REC8: variants seen among roughly 807,000 people sequenced by gnomAD.
The protein encoded by REC8 is meiotic recombination protein REC8 homolog.
In REC8, 42 loss-of-function variants were observed where a neutral mutation model predicts 78.3. The ratio of observed to expected loss-of-function variants is 0.54; its 90% CI spans 0.42 to 0.69. The LOEUF is 0.69. REC8 is among the 30% of genes least tolerant of loss of function. The pLI is 0.00. For missense variants in REC8, 581 were observed against 715.8 expected, an observed-to-expected ratio of 0.81 and a Z score of 2.15; for synonymous variants, 268 against 274.1, an observed-to-expected ratio of 0.98 and a Z score of 0.22.
downstream of REC8, chr14:24,180,539 A>G (rs1438987136): frequency 6.2e-7 from 1 of 1,614,122 alleles, no homozygotes; most frequent in Admixed American, 1.7e-5. Flanking sequence ...TTTGGCCAGG[A>G]ACGTCAGGAG....
chr14:24,178,697 G>T, intron 13 of REC8, 25 bp downstream of exon 13: 1 of 1,613,866 alleles, frequency 6.2e-7, no homozygotes, highest in Non-Finnish European at 8.5e-7. Flanking sequence ...GGTTGGGCAC[G>T]AAGTATCCTC....
rs748638468 is a variant in REC8 at position 24,179,419 on chromosome 14, AGAG to A, written c.1279_1281del (p.Glu427del). ...CAGAGATCTCCCTAGAGGCAGCTGA[AGAG>A]GAGAAGTCCCGCATCAGCCTCATCC... On this transcript the variant is annotated inframe_deletion, in exon 16 of 19. Coordinates refer to ENST00000611366, the MANE Select transcript of REC8 (RefSeq NM_001048205.2). 1.4e-4 allele frequency: 220 copies of A among 1,613,992 alleles called. No homozygotes were observed. The highest frequency in any genetic ancestry group is 9.0e-4 in the Admixed American group (54 of 59,996).
rs1431693237 is a variant in REC8 at position 24,172,338 on chromosome 14, G to A, written c.-215G>A. 6 of 566,488 alleles carry A rather than the reference G, an allele frequency of 1.1e-5. No individual in the cohort carries two copies. The East Asian group carries it at 1.5e-4, about 14-fold the overall frequency. 35.1% of individuals were successfully genotyped at this position (566,488 alleles called of 1,614,324 possible). ...CCACTGAGGGTCCACAGAGAGGGGCGCCCATCTCCTGCGTCTCAGTTATCC... is the reference window on the plus strand; with the variant it reads ...CCACTGAGGGTCCACAGAGAGGGGCACCCATCTCCTGCGTCTCAGTTATCC... On this transcript the variant is annotated 5_prime_UTR_variant, in exon 1 of 19. Transcript: ENST00000611366.
chr14:24,179,030 C>CT, intron 14 of REC8, 55 bp from the exon 15 acceptor site: 1 of 1,597,968 alleles, frequency 6.3e-7, no homozygotes, highest in Non-Finnish European at 8.6e-7. Context: ...CTTGTGCCTT[C>CT]TGAGGCCCAA....
rs752794973 is a variant in REC8, at chr14:24,178,871, C to T, written c.1158C>T (p.Ala386=). 49 of 1,613,536 alleles carry T rather than the reference C, an allele frequency of 3.0e-5. No individual in the cohort carries two copies. In the East Asian group the frequency reaches 5.3e-4, roughly 18 times the overall value. The change falls in exon 14 of 19, where the codon GCC becomes GCT. Residue 386 remains alanine, a synonymous_variant. Coordinates refer to ENST00000611366, the MANE Select transcript of REC8 (RefSeq NM_001048205.2). ...GGCGAGAGCTGCCTGAGGAGGCAGC[C>T]GCTGAGGAGGAAAGGAGAAAGATTG... ...ALRRELPEEA[A]AEEERRKIEV...
At chr14:24,179,949 C>CA in intron 18 of REC8, 43 bp downstream of exon 18, 1 of 1,614,086 alleles carries the variant, frequency 6.2e-7, no homozygotes, top group South Asian at 1.1e-5. Flanking sequence ...GGCAGGGACA[C>CA]AGAGACCAGA....
rs749536838 is a variant in REC8 at position 24,179,480 on chromosome 14, C to T, written c.1319+17C>T. The stretch of plus-strand genomic sequence containing the variant: ...AGAACGGTGGTAAGCGGCCAGGCTC[C>T]GTGGGAGCCAGGGCCCACAGCCCTT... On this transcript the variant is annotated intron_variant, in intron 16 of 18. Coordinates refer to ENST00000611366, the MANE Select transcript of REC8 (RefSeq NM_001048205.2). 27 of 1,613,964 alleles carry T rather than the reference C, an allele frequency of 1.7e-5. No individual in the cohort carries two copies. In the Admixed American group the frequency reaches 2.0e-4, roughly 12 times the overall value.
At chr14:24,175,664 C>T (rs1444525136) in intron 6 of REC8, 40 bp downstream of exon 6, 4 of 1,501,530 alleles carry the variant, frequency 2.7e-6, no homozygotes, top group Admixed American at 1.7e-5. Flanking sequence ...GAGGCATAGG[C>T]AGGCCCAAGA....
rs553455938 is a variant in REC8, at chr14:24,172,519, C to G, written c.-34C>G. 1.5e-4 allele frequency: 235 copies of G among 1,595,214 alleles called. No homozygotes were observed. The Admixed American group carries it at 3.5e-3, about 24-fold the overall frequency. On this transcript the variant is annotated 5_prime_UTR_variant, in exon 1 of 19. The change creates a new upstream start codon in the 5' untranslated region. Transcript: ENST00000611366. ...TTCCGACTCAGATCCGAACGGGGAT[C>G]TGGTGGAATCGAGGGTGAAAGACCA...
intron 6 of REC8, among the ~76,000 whole-genome samples, chr14:24,176,125 G>A (rs1464924555): frequency 6.6e-6 from 1 of 151,474 alleles, no homozygotes; most frequent in Non-Finnish European, 1.5e-5. Flanking sequence ...GGAGTACAGT[G>A]GTGCACTTTA....
intron 8 of REC8, 35 bp downstream of exon 8, chr14:24,177,257 G>A (rs768329805): frequency 3.7e-6 from 6 of 1,612,792 alleles, no homozygotes; most frequent in African/African-American, 1.3e-5. Flanking sequence ...CCCGCCTGGA[G>A]CTGGATAGTC....
At position 24,178,851 on chromosome 14, in the gene REC8, G is replaced by C. The variant is rs774558496; in HGVS notation, c.1138G>C (p.Glu380Gln). 6 of 1,613,606 alleles carry C rather than the reference G, an allele frequency of 3.7e-6. No individual in the cohort carries two copies. The East Asian group carries it at 6.7e-5, about 18-fold the overall frequency. Residue 380 changes from glutamate to glutamine, a missense_variant, in exon 14 of 19, where the codon GAG becomes CAG. Physicochemically the swap from Glu to Gln is conservative, Grantham distance 29 (BLOSUM62 2). Coordinates refer to ENST00000611366, the MANE Select transcript of REC8 (RefSeq NM_001048205.2). ...GCCACCCCCAAAAGCCCTCAGGCGAGAGCTGCCTGAGGAGGCAGCCGCTGA... is the reference window on the plus strand; with the variant it reads ...GCCACCCCCAAAAGCCCTCAGGCGACAGCTGCCTGAGGAGGCAGCCGCTGA... ...AQPPPKALRR[E>Q]LPEEAAAEEE...
chr14:24,178,047 A>C (rs2038978488), intron 11 of REC8, 44 bp from the exon 12 acceptor site: 1 of 1,583,648 alleles, frequency 6.3e-7, no homozygotes, highest in Non-Finnish European at 8.6e-7. Flanking sequence ...CAGGAAAAGG[A>C]GTAATGGGCA....
At position 24,175,611 on chromosome 14, in the gene REC8, G is replaced by A. The variant is rs2038857969; in HGVS notation, c.531G>A (p.Glu177=). The change falls in exon 6 of 19, where the codon GAG becomes GAA. Residue 177 remains glutamate (E), a synonymous_variant. Coordinates refer to ENST00000611366, the MANE Select transcript of REC8 (RefSeq NM_001048205.2). ...VEEIPPEVPT[E]PREPERIPVT... ...AGATCCCTCCTGAAGTTCCTACAGA[G>A]CCCAGGGAGCCAGGTCAGCAGAGAG... 2 of 1,613,418 alleles carry A rather than the reference G, an allele frequency of 1.2e-6. No homozygotes were observed. The highest frequency in any genetic ancestry group is 1.7e-6 in the Non-Finnish European group (2 of 1,179,572).
chr14:24,174,880 G>T (rs1023222843), intron 5 of REC8, among the ~76,000 whole-genome samples: 1 of 151,984 alleles, frequency 6.6e-6, no homozygotes, highest in African/African-American at 2.4e-5. Context: ...CCTTTGCCTT[G>T]ACTCTTGTGG....
intron 4 of REC8, 43 bp downstream of exon 4, chr14:24,173,241 G>A (rs745339797): frequency 1.9e-6 from 3 of 1,614,096 alleles, no homozygotes. Flanking sequence ...TGCTAGCTTG[G>A]CCTCAGCCTG....
intron 13 of REC8, 37 bp from the exon 14 acceptor site, chr14:24,178,740 G>C (rs751879434): frequency 1.2e-6 from 2 of 1,611,550 alleles, no homozygotes; most frequent in Non-Finnish European, 1.7e-6. Context: ...TGCTCCTCAC[G>C]CCTCAAACCC....
At chr14:24,179,519 A>AAACAGCTGCTGGG in intron 16 of REC8, 56 bp downstream of exon 16, 7 of 1,613,760 alleles carry the variant, frequency 4.3e-6, no homozygotes, top group Non-Finnish European at 5.9e-6. Context: ...CAGGTGGTGG[A>AAACAGCTGCTGGG]AACAGCTGCT....
downstream of REC8, chr14:24,180,694 G>A (rs1161952401): frequency 6.2e-7 from 1 of 1,614,146 alleles, no homozygotes; most frequent in South Asian, 1.1e-5. Context: ...CTCACCTGGT[G>A]GGATCTTGTT....
Sources: allele counts gnomAD v4.1 joint callset (sites outside exome capture counted in the v4.1 genomes callset), GRCh38; gene constraint gnomAD v4.1.1; transcripts MANE v1.5; gene names NCBI Gene and HGNC (gene_info 2026-07-23, HGNC 2026-07-21).